The following CRABP1 variants were observed in gnomAD, a reference collection of about 807,000 sequenced individuals.
CRABP1 encodes the protein cellular retinoic acid binding protein 1.
Under a neutral mutation model 16.4 loss-of-function variants are expected in CRABP1, and 9 were observed. The ratio of observed to expected loss-of-function variants is 0.55; its 90% CI spans 0.33 to 0.96. The LOEUF (loss-of-function observed/expected upper bound fraction) is 0.96, where lower values mean the gene tolerates loss of function less well. Ranked by LOEUF, CRABP1 falls within the 40% of genes least tolerant of loss-of-function variation. CRABP1 has a pLI of 0.03. For synonymous variants in CRABP1, 72 were observed against 70.4 expected, an observed-to-expected ratio of 1.02 and a Z score of -0.11; for missense variants, 157 against 186.0, an observed-to-expected ratio of 0.84 and a Z score of 0.91.
chr15:78,341,267 G>T lies in CRABP1; in HGVS notation c.249+46G>T. 6.4e-7 allele frequency: 1 copy of T among 1,572,184 alleles called. No homozygotes were observed. The highest frequency in any genetic ancestry group is 1.2e-5 in the South Asian group (1 of 86,060). ...CAGCGTCCCCGTGTCCCCGCTCGGT[G>T]CCCATGGCCCACTGCTGCTGGAGGA... On this transcript the variant is annotated intron_variant, in intron 2 of 3. Transcript: ENST00000299529. This position sits in a 1 kb window ranked among gnomAD's most constrained non-coding sequence, Gnocchi z 5.3.
intron 2 of CRABP1, among the ~76,000 whole-genome samples, chr15:78,342,759 G>A (rs1460929216): frequency 3.3e-5 from 5 of 152,164 alleles, no homozygotes; most frequent in Admixed American, 6.5e-5. Context: ...CAGAAAGGAC[G>A]TTCCTATCCC....
Position 78,341,515 on chromosome 15 carries a change from G to A in CRABP1, c.249+294G>A. 1 of 395,204 alleles carries A rather than the reference G, an allele frequency of 2.5e-6. No individual in the cohort carries two copies. Among genetic ancestry groups the A allele is most frequent in the East Asian group, 5.7e-5 (1 of 17,640 alleles). 24.5% of individuals were successfully genotyped at this position (395,204 alleles called of 1,614,324 possible). On this transcript the variant is annotated intron_variant, in intron 2 of 3. Transcript: ENST00000299529. The surrounding 1 kb of genome is among the most constrained non-coding windows in gnomAD (Gnocchi z 5.3). Reference sequence around the variant, plus strand: ...CGCGTTCCCAGCAGTGGCTTTTGCAGCGGTTTGCAGCGCCAAGCGCAGGCG... The same window carrying A: ...CGCGTTCCCAGCAGTGGCTTTTGCAACGGTTTGCAGCGCCAAGCGCAGGCG...
chr15:78,347,648 CA>C (rs1468030862), intron 3 of CRABP1, among the ~76,000 whole-genome samples: 1 of 152,066 alleles, frequency 6.6e-6, no homozygotes, highest in Non-Finnish European at 1.5e-5. Flanking sequence ...ATTTTAAAAC[CA>C]AAACTCCTGG....
At chr15:78,342,987 C>CACCT (rs2050243280) in intron 2 of CRABP1, among the ~76,000 whole-genome samples, 1 of 152,090 alleles carries the variant, frequency 6.6e-6, no homozygotes, top group Non-Finnish European at 1.5e-5. Flanking sequence ...TGGTGGCAGG[C>CACCT]ACCTGTCATC....
chr15:78,347,255 C>A (rs1490804193), intron 3 of CRABP1, among the ~76,000 whole-genome samples: 1 of 152,128 alleles, frequency 6.6e-6, no homozygotes, highest in Non-Finnish European at 1.5e-5. Context: ...TCAACTCCAC[C>A]CCTCTCCTCA....
At chr15:78,345,169 C>T (rs2050258551) in intron 3 of CRABP1, among the ~76,000 whole-genome samples, 1 of 152,156 alleles carries the variant, frequency 6.6e-6, no homozygotes, top group Non-Finnish European at 1.5e-5. Flanking sequence ...CTTCCCTTCC[C>T]AAGCTCTTCC....
chr15:78,341,463 G>A lies in CRABP1; in HGVS notation c.249+242G>A, dbSNP rs140534341. ...TGCCTCCCGGGGTGCTAACAGCCGC[G>A]CTTAAAGAGCGGGCTCTGGGTTGCG... On this transcript the variant is annotated intron_variant, in intron 2 of 3. Coordinates refer to ENST00000299529, the MANE Select transcript of CRABP1 (RefSeq NM_004378.3). The surrounding 1 kb of genome is among the most constrained non-coding windows in gnomAD (Gnocchi z 5.3). The A allele has an allele frequency of 7.6e-3, 3,892 of 513,088 alleles. 43 individuals are homozygous for A. Among genetic ancestry groups the A allele is most frequent in the Middle Eastern group, 0.035 (62 of 1,790 alleles). The allele number at this position is 513,088 out of a possible 1,614,324, so 31.8% of individuals were successfully genotyped here.
chr15:78,348,076 C>A lies in CRABP1; in HGVS notation c.*99C>A. The A allele has an allele frequency of 8.8e-7, 1 of 1,134,842 alleles. No individual in the cohort carries two copies. Among genetic ancestry groups the A allele is most frequent in the Non-Finnish European group, 1.3e-6 (1 of 766,246 alleles). 70.3% of individuals were successfully genotyped at this position (1,134,842 alleles called of 1,614,324 possible). A position where few individuals can be genotyped will look rare whatever the true frequency, so the allele number is the denominator to read the frequency against. ...CCAGTGGACCGCCCTTTTCCCCTACCAATATTAGGTGATCCCGTTTTCCCC... is the reference window on the plus strand; with the variant it reads ...CCAGTGGACCGCCCTTTTCCCCTACAAATATTAGGTGATCCCGTTTTCCCC... On this transcript the variant is annotated 3_prime_UTR_variant, in exon 4 of 4. Coordinates refer to ENST00000299529, the MANE Select transcript of CRABP1 (RefSeq NM_004378.3).
intron 3 of CRABP1, among the ~76,000 whole-genome samples, chr15:78,345,740 G>C (rs370706067): frequency 5.9e-5 from 9 of 152,102 alleles, no homozygotes; most frequent in African/African-American, 2.2e-4. Flanking sequence ...AAAGGGAAAG[G>C]GAGTATTAAC....
rs2050276689 is a variant in CRABP1, at chr15:78,348,007, A to G, written c.*30A>G. The stretch of plus-strand genomic sequence containing the variant: ...AGCTGGCTTGCTCCTACTTTCAGGA[A>G]GGGATGCAGGCTCCCCTGAGGAATA... On this transcript the variant is annotated 3_prime_UTR_variant, in exon 4 of 4. Coordinates refer to ENST00000299529, the MANE Select transcript of CRABP1 (RefSeq NM_004378.3). 6.2e-7 allele frequency: 1 copy of G among 1,609,134 alleles called. No homozygotes were observed. The highest frequency in any genetic ancestry group is 2.2e-5 in the East Asian group (1 of 44,834).
rs773136831 is a variant in CRABP1, at chr15:78,343,600, T to C, written c.351T>C (p.Asp117=). 2.5e-6 allele frequency: 4 copies of C among 1,614,128 alleles called. No individual in the cohort carries two copies. The Admixed American group carries it at 5.0e-5, about 20-fold the overall frequency. ...ACTGGACCCGTGAGCTGGCCAACGA[T>C]GAACTTATCCTGGTAGGGAACCCTT... The part of the protein sequence containing the change: ...KTYWTRELAN[D]ELILTFGADD... Residue 117 remains aspartate (D), a synonymous_variant, in exon 3 of 4, where the codon GAT becomes GAC. Coordinates refer to ENST00000299529, the MANE Select transcript of CRABP1 (RefSeq NM_004378.3).
chr15:78,341,255 T>G lies in CRABP1; in HGVS notation c.249+34T>G, dbSNP rs2050232567. 1 of 1,581,256 alleles carries G rather than the reference T, an allele frequency of 6.3e-7. No individual in the cohort carries two copies. ...CCAGAGCCACTACAGCGTCCCCGTG[T>G]CCCCGCTCGGTGCCCATGGCCCACT... On this transcript the variant is annotated intron_variant, in intron 2 of 3. Transcript: ENST00000299529. This position sits in a 1 kb window ranked among gnomAD's most constrained non-coding sequence, Gnocchi z 5.3.
chr15:78,341,113 C>G lies in CRABP1; in HGVS notation c.141C>G (p.Asp47Glu), dbSNP rs1157731369. ...ASKPHVEIRQ[D>E]GDQFYIKTST... ...AGCCGCACGTGGAGATCCGCCAGGA[C>G]GGGGATCAGTTCTACATCAAGACAT... The change falls in exon 2 of 4, where the codon GAC becomes GAG. Residue 47 changes from aspartate (D) to glutamate (E), a missense_variant. By Grantham distance (45) the Asp-to-Glu change is conservative (BLOSUM62 2). Transcript: ENST00000299529. The surrounding 1 kb of genome is among the most constrained non-coding windows in gnomAD (Gnocchi z 5.3). 1.2e-6 allele frequency: 2 copies of G among 1,613,042 alleles called. No individual in the cohort carries two copies. The highest frequency in any genetic ancestry group is 1.7e-4 in the Middle Eastern group (1 of 6,056).
intron 3 of CRABP1, among the ~76,000 whole-genome samples, chr15:78,344,940 C>CA (rs566225429): frequency 6.1e-5 from 9 of 147,120 alleles, no homozygotes; most frequent in East Asian, 3.9e-4. Flanking sequence ...AAAAAAAAAA[C>CA]AAAAAAACTA....
intron 3 of CRABP1, among the ~76,000 whole-genome samples, chr15:78,347,187 C>T (rs1380018700): frequency 6.6e-6 from 1 of 152,082 alleles, no homozygotes; most frequent in Non-Finnish European, 1.5e-5. Flanking sequence ...CTCCCTACAG[C>T]AAACAAACTA....
rs565667843 is a variant in CRABP1 at position 78,343,615 on chromosome 15, A to G, written c.363+3A>G. On this transcript the variant is annotated splice_donor_region_variant and intron_variant, in intron 3 of 3. Coordinates refer to ENST00000299529, the MANE Select transcript of CRABP1 (RefSeq NM_004378.3). ...TGGCCAACGATGAACTTATCCTGGTAGGGAACCCTTGACCCTGAAATAATC... is the reference window on the plus strand; with the variant it reads ...TGGCCAACGATGAACTTATCCTGGTGGGGAACCCTTGACCCTGAAATAATC... 6.2e-7 allele frequency: 1 copy of G among 1,613,496 alleles called. No homozygotes were observed. Among genetic ancestry groups the G allele is most frequent in the Admixed American group, 1.7e-5 (1 of 60,002 alleles).
intron 1 of CRABP1, 169 bp from the exon 2 acceptor site, chr15:78,340,874 T>C: frequency 1.4e-6 from 1 of 717,578 alleles, no homozygotes. Flanking sequence ...GAAAGTCACT[T>C]ACCCTCTCTG....
intron 3 of CRABP1, among the ~76,000 whole-genome samples, chr15:78,347,545 G>A (rs1374010402): frequency 6.6e-6 from 1 of 152,196 alleles, no homozygotes; most frequent in African/African-American, 2.4e-5. Context: ...CATGACCCCA[G>A]CTGCCTGAGC....
intron 3 of CRABP1, among the ~76,000 whole-genome samples, chr15:78,345,413 A>T (rs553802117): frequency 1.3e-5 from 2 of 152,160 alleles, no homozygotes; most frequent in Admixed American, 6.5e-5. Context: ...GTTTCCAGGG[A>T]AAGGATACTT....
Sources: allele counts gnomAD v4.1 joint callset (sites outside exome capture counted in the v4.1 genomes callset), GRCh38; gene constraint gnomAD v4.1.1; non-coding constraint Gnocchi (gnomAD v3.1); transcripts MANE v1.5; gene names NCBI Gene and HGNC (gene_info 2026-07-23, HGNC 2026-07-21).